The following TTC29 variants were observed in gnomAD, a reference collection of about 807,000 sequenced individuals.
The protein encoded by TTC29 is tetratricopeptide repeat domain 29, also known as tetratricopeptide repeat protein 29.
Under a neutral mutation model 58.1 loss-of-function variants are expected in TTC29, and 49 were observed. The observed-to-expected ratio is 0.84, with a 90% confidence interval of 0.67 to 1.07. The LOEUF (loss-of-function observed/expected upper bound fraction) is 1.07. Among genes scored for constraint, TTC29 ranks in the 50% least tolerant of loss-of-function variants. The pLI is 0.00. For missense variants in TTC29, 582 were observed against 555.6 expected, an observed-to-expected ratio of 1.05 and a Z score of -0.48; for synonymous variants, 209 against 196.8, an observed-to-expected ratio of 1.06 and a Z score of -0.52.
intron 11 of TTC29, among the ~76,000 whole-genome samples, chr4:146,731,887 C>T (rs938600806): frequency 6.6e-6 from 1 of 152,150 alleles, no homozygotes; most frequent in African/African-American, 2.4e-5. Context: ...ATGGTCCAGC[C>T]AGTTAGCGTT....
At chr4:146,717,868 G>A (rs1299486794) in intron 11 of TTC29, among the ~76,000 whole-genome samples, 3 of 152,040 alleles carry the variant, frequency 2.0e-5, no homozygotes, top group Non-Finnish European at 4.4e-5. Context: ...TCTAATTGAG[G>A]CTTTGTACTT....
chr4:146,718,373 A>G (rs2150000996), intron 11 of TTC29, among the ~76,000 whole-genome samples: 1 of 152,274 alleles, frequency 6.6e-6, no homozygotes, highest in Non-Finnish European at 1.5e-5. Context: ...CCTCCTTGCC[A>G]ACATTCACCT....
chr4:146,770,106 T>C (rs1423324502), intron 11 of TTC29, among the ~76,000 whole-genome samples: 2 of 151,976 alleles, frequency 1.3e-5, no homozygotes, highest in African/African-American at 2.4e-5. Context: ...TTAGGCTCAC[T>C]TGGGGAACTT....
intron 11 of TTC29, among the ~76,000 whole-genome samples, chr4:146,801,335 G>T (rs922616649): frequency 6.6e-6 from 1 of 152,114 alleles, no homozygotes; most frequent in Non-Finnish European, 1.5e-5. Flanking sequence ...AAATAGAAGG[G>T]CTACCCCTGA....
intron 10 of TTC29, among the ~76,000 whole-genome samples, chr4:146,818,313 G>A (rs534238016): frequency 6.6e-6 from 1 of 152,310 alleles, no homozygotes; most frequent in South Asian, 2.1e-4. Context: ...CATTTATGCA[G>A]CCAAAATACA....
chr4:146,762,231 T>C (rs547284057), intron 11 of TTC29, among the ~76,000 whole-genome samples: 12 of 152,148 alleles, frequency 7.9e-5, no homozygotes, highest in African/African-American at 2.4e-4. Context: ...AACTTGTGTG[T>C]CAGGCTGGCC....
At position 146,739,760 on chromosome 4, in the gene TTC29, G is replaced by A. The variant is rs184724207; in HGVS notation, c.1331-32209C>T. 3.3e-5 allele frequency among the ~76,000 whole-genome samples: 5 copies of A among 152,192 alleles called. No homozygotes were observed. The East Asian group carries it at 9.7e-4, about 29-fold the overall frequency. On this transcript the variant is annotated intron_variant, in intron 11 of 12. Coordinates refer to ENST00000325106, the MANE Select transcript of TTC29 (RefSeq NM_031956.4). Reference sequence around the variant, plus strand: ...TCTCCACTTTTGACCAATAAATGTAGTGCCCTTCTGTATCTTATTCCCTAT... The same window carrying A: ...TCTCCACTTTTGACCAATAAATGTAATGCCCTTCTGTATCTTATTCCCTAT...
intron 4 of TTC29, among the ~76,000 whole-genome samples, chr4:146,922,296 A>T (rs1734647587): frequency 6.6e-6 from 1 of 151,480 alleles, no homozygotes; most frequent in Admixed American, 6.6e-5. Context: ...ATGAAATAAT[A>T]CTAAATAAAA....
chr4:146,841,679 A>G (rs1171817713), intron 8 of TTC29, among the ~76,000 whole-genome samples: 1 of 151,750 alleles, frequency 6.6e-6, no homozygotes, highest in East Asian at 1.9e-4. Context: ...AAGGACTCCT[A>G]CTCTGAAGAC....
chr4:146,885,336 A>G (rs928629244), intron 6 of TTC29, among the ~76,000 whole-genome samples: 1 of 152,114 alleles, frequency 6.6e-6, no homozygotes, highest in African/African-American at 2.4e-5. Context: ...CAATACAGGA[A>G]AAATCTTAAG....
At chr4:146,872,894 C>A (rs1731026894) in intron 7 of TTC29, among the ~76,000 whole-genome samples, 1 of 151,984 alleles carries the variant, frequency 6.6e-6, no homozygotes, top group Non-Finnish European at 1.5e-5. Context: ...TAATCAAGAT[C>A]TTTGAAAAGT....
At chr4:146,880,811 T>C (rs1369724952) in intron 6 of TTC29, among the ~76,000 whole-genome samples, 3 of 152,096 alleles carry the variant, frequency 2.0e-5, no homozygotes, top group Non-Finnish European at 4.4e-5. Flanking sequence ...TTTTATGAAA[T>C]GGCCCAAACT....
intron 8 of TTC29, among the ~76,000 whole-genome samples, chr4:146,856,081 C>T (rs1481868701): frequency 6.6e-6 from 1 of 152,076 alleles, no homozygotes; most frequent in Non-Finnish European, 1.5e-5. Flanking sequence ...AAGGAGTATA[C>T]ATACATTATG....
At chr4:146,717,323 G>A (rs1208870144) in intron 11 of TTC29, among the ~76,000 whole-genome samples, 1 of 152,140 alleles carries the variant, frequency 6.6e-6, no homozygotes, top group African/African-American at 2.4e-5. Flanking sequence ...CTGTCGCCTA[G>A]GCTGAAGTAC....
In TTC29 at chr4:146,732,586, T is replaced by C. The variant is rs554490860; in HGVS notation, c.1331-25035A>G. 4.6e-5 allele frequency among the ~76,000 whole-genome samples: 7 copies of C among 152,236 alleles called. No homozygotes were observed. The South Asian group carries it at 6.2e-4, about 14-fold the overall frequency. On this transcript the variant is annotated intron_variant, in intron 11 of 12. Coordinates refer to ENST00000325106, the MANE Select transcript of TTC29 (RefSeq NM_031956.4). ...TTGAAAAGTTTTGGGTTTAACTGGT[T>C]TAACTACGGGAATGAGTAGGTAAGA...
chr4:146,752,850 C>T (rs186235644), intron 11 of TTC29, among the ~76,000 whole-genome samples: 66 of 152,142 alleles, frequency 4.3e-4, no homozygotes, highest in East Asian at 1.2e-3. Context: ...GCTAGCCATA[C>T]GTAGAAAGCC....
chr4:146,830,463 G>A (rs1189201201), intron 9 of TTC29, among the ~76,000 whole-genome samples: 2 of 152,044 alleles, frequency 1.3e-5, no homozygotes, highest in East Asian at 1.9e-4. Flanking sequence ...ATTCATGCAC[G>A]CTCAGCTGAT....
In TTC29 at chr4:146,709,401, T is replaced by C. The variant is rs73855634; in HGVS notation, c.1331-1850A>G. 4.3e-3 allele frequency among the ~76,000 whole-genome samples: 654 copies of C among 152,236 alleles called. 5 individuals carry two copies. The highest frequency in any genetic ancestry group is 0.015 in the African/African-American group (627 of 41,552). On this transcript the variant is annotated intron_variant, in intron 11 of 12. Transcript: ENST00000325106. ...CTCCAATTCTACCACCTTTTCATTG[T>C]TTTTCCTCATTTTTCTGTCTCTTCT...
At chr4:146,934,165 G>C (rs1427372214) in intron 4 of TTC29, 2 of 152,310 alleles carry the variant, frequency 1.3e-5, no homozygotes, top group Non-Finnish European at 2.9e-5. Context: ...TCTAGCAGGA[G>C]TGTGGTGGAG....
Sources: gnomAD v4.1 joint callset for allele counts (sites outside exome capture counted in the v4.1 genomes callset) on GRCh38, gnomAD v4.1.1 for gene constraint, MANE v1.5 for transcripts, NCBI Gene and HGNC (gene_info 2026-07-23, HGNC 2026-07-21) for gene names.